EXOC6B: variants seen among roughly 807,000 people sequenced by gnomAD.
The protein encoded by EXOC6B is exocyst complex component 6B, also known as SEC15 homolog B.
In EXOC6B, 54 loss-of-function variants were observed where a neutral mutation model predicts 113.5. The ratio of observed to expected loss-of-function variants is 0.48; its 90% CI spans 0.38 to 0.60. The LOEUF is 0.60. EXOC6B is among the 20% of genes least tolerant of loss of function. The pLI is 0.00. For missense variants in EXOC6B, 797 were observed against 977.5 expected (o/e 0.82, Z 2.46); for synonymous variants, 357 against 339.0 (o/e 1.05, Z -0.58).
chr2:72,623,501 A>G (rs534663276), intron 6 of EXOC6B, among the ~76,000 whole-genome samples: 1 of 152,292 alleles, frequency 6.6e-6, no homozygotes, highest in East Asian at 1.9e-4. Context: ...AAACTGAAAA[A>G]CAGAATACAG....
intron 18 of EXOC6B, among the ~76,000 whole-genome samples, chr2:72,460,310 G>A (rs1349932339): frequency 6.6e-6 from 1 of 152,036 alleles, no homozygotes; most frequent in Non-Finnish European, 1.5e-5. Context: ...AGGACTTCAT[G>A]TCTAAAACAC....
At chr2:72,537,453 CAAA>C (rs74620661) in intron 8 of EXOC6B, among the ~76,000 whole-genome samples, 1 of 74,194 alleles carries the variant, frequency 1.3e-5, no homozygotes. Context: ...ACAAAAAATA[CAAA>C]AAAAAAAAAA....
At chr2:72,494,240 C>T (rs1012036969) in intron 15 of EXOC6B, among the ~76,000 whole-genome samples, 2 of 151,946 alleles carry the variant, frequency 1.3e-5, no homozygotes, top group African/African-American at 4.8e-5. Context: ...AGTAATTTTG[C>T]AATCAACTTG....
chr2:72,800,868 C>G (rs1454266193), intron 1 of EXOC6B, among the ~76,000 whole-genome samples: 1 of 152,188 alleles, frequency 6.6e-6, no homozygotes, highest in Non-Finnish European at 1.5e-5. Context: ...GATGTACACT[C>G]TATCAACGAT....
chr2:72,215,293 G>A (rs1680451403), intron 20 of EXOC6B, among the ~76,000 whole-genome samples: 1 of 152,112 alleles, frequency 6.6e-6, no homozygotes, highest in Admixed American at 6.5e-5. Flanking sequence ...GGATTGCCCT[G>A]GACCAGGCAC....
intron 20 of EXOC6B, among the ~76,000 whole-genome samples, chr2:72,323,737 A>G (rs928140469): frequency 4.6e-5 from 7 of 151,920 alleles, no homozygotes; most frequent in Middle Eastern, 6.3e-3. Context: ...ACACAAGAAC[A>G]GAGAACCAAA....
intron 19 of EXOC6B, among the ~76,000 whole-genome samples, chr2:72,352,275 A>G (rs1458544411): frequency 6.6e-6 from 1 of 152,178 alleles, no homozygotes; most frequent in East Asian, 1.9e-4. Flanking sequence ...CTCCTTCCAG[A>G]AAAGGAGTAG....
intron 19 of EXOC6B, among the ~76,000 whole-genome samples, chr2:72,375,806 G>A (rs572840393): frequency 6.6e-6 from 1 of 152,152 alleles, no homozygotes; most frequent in African/African-American, 2.4e-5. Context: ...AAACAGTAAA[G>A]GTGGAAATGA....
intron 6 of EXOC6B, among the ~76,000 whole-genome samples, chr2:72,658,542 A>T (rs1674775986): frequency 6.6e-6 from 1 of 151,904 alleles, no homozygotes; most frequent in Non-Finnish European, 1.5e-5. Flanking sequence ...AATATAAATT[A>T]TATATAACTA....
At chr2:72,673,520 A>C (rs1482620529) in intron 6 of EXOC6B, among the ~76,000 whole-genome samples, 1 of 152,140 alleles carries the variant, frequency 6.6e-6, no homozygotes, top group African/African-American at 2.4e-5. Context: ...GTTTAACATT[A>C]TGTAAGCCCA....
chr2:72,189,860 CTTTTTTT>C (rs57679690), intron 20 of EXOC6B, among the ~76,000 whole-genome samples: 10 of 87,252 alleles, frequency 1.1e-4, no homozygotes, highest in African/African-American at 5.2e-4. Flanking sequence ...CCTTCTTCTT[CTTTTTTT>C]TTTTTTTTTT....
chr2:72,299,917 G>A lies in EXOC6B; in HGVS notation c.2196+35030C>T, dbSNP rs552176283. On this transcript the variant is annotated intron_variant, in intron 20 of 21. Transcript: ENST00000272427. Reference sequence around the variant, plus strand: ...GCCTGTTCCTTCCTCTGGAAACTTCGTCCCAGAGCTCTAGAGCGCTCCTGT... The same window carrying A: ...GCCTGTTCCTTCCTCTGGAAACTTCATCCCAGAGCTCTAGAGCGCTCCTGT... Among the ~76,000 whole-genome samples the A allele has an allele frequency of 3.9e-5, 6 of 152,200 alleles. No individual in the cohort carries two copies. The East Asian group carries it at 7.8e-4, about 20-fold the overall frequency.
intron 18 of EXOC6B, among the ~76,000 whole-genome samples, chr2:72,444,339 C>T (rs534967129): frequency 8.5e-5 from 13 of 152,202 alleles, no homozygotes; most frequent in African/African-American, 2.9e-4. Flanking sequence ...GCTGCTCTCA[C>T]GGGCTGATAT....
intron 20 of EXOC6B, among the ~76,000 whole-genome samples, chr2:72,212,065 G>C (rs1013630770): frequency 6.6e-6 from 1 of 152,170 alleles, no homozygotes; most frequent in Non-Finnish European, 1.5e-5. Flanking sequence ...AATATGCAGA[G>C]GGCATTTCTC....
chr2:72,587,261 G>A (rs887205357), intron 6 of EXOC6B, among the ~76,000 whole-genome samples: 10 of 152,116 alleles, frequency 6.6e-5, no homozygotes, highest in African/African-American at 2.4e-4. Flanking sequence ...CATGTCCTTT[G>A]CAGCAGCATG....
At chr2:72,565,283 C>T (rs767920313) in intron 7 of EXOC6B, among the ~76,000 whole-genome samples, 11 of 138,524 alleles carry the variant, frequency 7.9e-5, no homozygotes, top group Admixed American at 3.2e-4. Context: ...CCTGGGAGGA[C>T]GAGGCTGCAG....
intron 6 of EXOC6B, among the ~76,000 whole-genome samples, chr2:72,692,596 C>T (rs546285994): frequency 6.6e-6 from 1 of 152,204 alleles, no homozygotes; most frequent in Non-Finnish European, 1.5e-5. Flanking sequence ...CGTGATCCAC[C>T]CACCTTGGCC....
rs553134188 is a variant in EXOC6B, at chr2:72,647,287, C to A, written c.669+70816G>T. 1.4e-4 allele frequency among the ~76,000 whole-genome samples: 22 copies of A among 152,232 alleles called. No homozygotes were observed. In the East Asian group the frequency reaches 4.1e-3, roughly 28 times the overall value. ...TCAACGAGATAAAAGAAGACACAAA[C>A]AAATGGAAGAACATTCAATGCTCAT... is the stretch of plus-strand genomic sequence containing the variant. On this transcript the variant is annotated intron_variant, in intron 6 of 21. Coordinates refer to ENST00000272427, the MANE Select transcript of EXOC6B (RefSeq NM_015189.3).
intron 6 of EXOC6B, among the ~76,000 whole-genome samples, chr2:72,664,866 G>A (rs570527109): frequency 1.3e-5 from 2 of 152,350 alleles, no homozygotes; most frequent in East Asian, 3.9e-4. Context: ...AGAGCACTTT[G>A]GATCCACTGA....
Sources: allele counts gnomAD v4.1 joint callset (sites outside exome capture counted in the v4.1 genomes callset), GRCh38; gene constraint gnomAD v4.1.1; transcripts MANE v1.5; gene names NCBI Gene and HGNC (gene_info 2026-07-23, HGNC 2026-07-21).